The following ADPGK variants were observed in gnomAD, a reference collection of about 807,000 sequenced individuals.
ADPGK encodes ADP-dependent glucokinase.
ADPGK carries 26 observed loss-of-function variants against 42.4 expected under a neutral mutation model. The ratio of observed to expected loss-of-function variants is 0.61; its 90% CI spans 0.45 to 0.85. The LOEUF (loss-of-function observed/expected upper bound fraction) is 0.85, where lower values mean the gene tolerates loss of function less well. ADPGK is among the 40% of genes least tolerant of loss of function. ADPGK has a pLI of 0.00. For missense variants in ADPGK, 571 were observed against 627.0 expected (o/e 0.91, Z 0.95); for synonymous variants, 267 against 252.6 (o/e 1.06, Z -0.54).
Position 72,752,694 on chromosome 15 carries a change from A to AATGG in ADPGK, c.1137_1140dup (p.Phe381ProfsTer92). The AATGG allele has an allele frequency of 1.2e-6, 2 of 1,614,194 alleles. No homozygotes were observed. The highest frequency in any genetic ancestry group is 1.7e-6 in the Non-Finnish European group (2 of 1,180,040). ...AGGATGTGGTAGACCAGCGTGTGGA[A>AATGG]ATGGATCCTGGTGAGATCCGAGGCT... On this transcript the variant is annotated frameshift_variant, in exon 7 of 7. Transcript: ENST00000456471. LOFTEE classifies it high-confidence loss of function.
At chr15:72,765,997 T>A (rs2066253546) in intron 3 of ADPGK, among the ~76,000 whole-genome samples, 1 of 152,182 alleles carries the variant, frequency 6.6e-6, no homozygotes, top group Non-Finnish European at 1.5e-5. Flanking sequence ...ATTTTTCATT[T>A]TTAGAGATAG....
chr15:72,783,381 C>T (rs984415294), intron 1 of ADPGK, 78 bp downstream of exon 1: 2 of 1,311,830 alleles, frequency 1.5e-6, no homozygotes, highest in Admixed American at 4.2e-5. Flanking sequence ...CTCTGAGAAG[C>T]CCTGTTTCTG....
chr15:72,760,316 C>T, intron 4 of ADPGK, 91 bp downstream of exon 4: 1 of 1,409,660 alleles, frequency 7.1e-7, no homozygotes, highest in Non-Finnish European at 9.4e-7. Flanking sequence ...TGCTAATTTA[C>T]AAAGATAAAT....
intron 3 of ADPGK, among the ~76,000 whole-genome samples, chr15:72,771,531 G>A (rs2066328724): frequency 6.6e-6 from 1 of 152,216 alleles, no homozygotes; most frequent in South Asian, 2.1e-4. Context: ...GTACCGACTA[G>A]CCTTACAGGG....
At position 72,783,475 on chromosome 15, in the gene ADPGK, G is replaced by A. The variant is rs1341472286; in HGVS notation, c.217C>T (p.Arg73Cys). 7.2e-7 allele frequency: 1 copy of A among 1,392,208 alleles called. No individual in the cohort carries two copies. The highest frequency in any genetic ancestry group is 1.6e-5 in the South Asian group (1 of 63,036). 86.2% of individuals were successfully genotyped at this position (1,392,208 alleles called of 1,614,324 possible). ...ALIVRPVRRW[R>C]RVAVGVNACV... ...GGCACTCACCCCACTGCCACGCGGC[G>A]CCAGCGCCGGACTGGCCGCACGATA... Residue 73 changes from arginine (R) to cysteine (C), a missense_variant, in exon 1 of 7, where the codon CGC becomes TGC. Transcript: ENST00000456471.
At chr15:72,767,731 T>A (rs968044454) in intron 3 of ADPGK, among the ~76,000 whole-genome samples, 1 of 152,158 alleles carries the variant, frequency 6.6e-6, no homozygotes, top group African/African-American at 2.4e-5. Flanking sequence ...CACATCTCAA[T>A]AAATCAAAGG....
At position 72,752,778 on chromosome 15, in the gene ADPGK, C is replaced by T; in HGVS notation, c.1057G>A (p.Gly353Ser). 1 of 1,614,188 alleles carries T rather than the reference C, an allele frequency of 6.2e-7. No homozygotes were observed. The highest frequency in any genetic ancestry group is 8.5e-7 in the Non-Finnish European group (1 of 1,180,044). Residue 353 changes from glycine (G) to serine (S), a missense_variant, in exon 7 of 7, where the codon GGC becomes AGC. By Grantham distance (56) the Gly-to-Ser change is moderately conservative (BLOSUM62 0). This residue lies in a region of ADPGK where 434 missense variants were observed against 522.7 expected (regional missense o/e 0.83). Transcript: ENST00000456471. ...LSSWNGVPDV[G>S]MVSDILFWIL... ...CAGAAGAGGATGTCACTGACCATGC[C>T]CACATCAGGAACACCGTTCCAGGAA...
chr15:72,756,158 G>T, intron 5 of ADPGK, 93 bp downstream of exon 5: 1 of 1,508,722 alleles, frequency 6.6e-7, no homozygotes. Context: ...TGGGAGGCCA[G>T]GACCTAAGAC....
At chr15:72,756,595 G>A in intron 4 of ADPGK, 148 bp from the exon 5 acceptor site, 1 of 789,638 alleles carries the variant, frequency 1.3e-6, no homozygotes, top group Non-Finnish European at 2.0e-6. Context: ...ATGGCCTAAG[G>A]TCAGCATGGC....
At position 72,783,671 on chromosome 15, in the gene ADPGK, G is replaced by C; in HGVS notation, c.21C>G (p.Ser7=). Residue 7 remains serine, a synonymous_variant, in exon 1 of 7, where the codon TCC becomes TCG. Coordinates refer to ENST00000456471, the MANE Select transcript of ADPGK (RefSeq NM_001365225.1). ...CCAGCGCCAGGAAGCCCGCGTACGCGGAGCCGCGCCACAGCGCCATGGGGA... is the reference window on the plus strand; with the variant it reads ...CCAGCGCCAGGAAGCCCGCGTACGCCGAGCCGCGCCACAGCGCCATGGGGA... MALWRG[S]AYAGFLALAV... 6.7e-7 allele frequency: 1 copy of C among 1,503,118 alleles called. No individual in the cohort carries two copies. Among genetic ancestry groups the C allele is most frequent in the South Asian group, 1.2e-5 (1 of 80,362 alleles). The allele number at this position is 1,503,118 out of a possible 1,614,324, so 93.1% of individuals were successfully genotyped here.
intron 1 of ADPGK, among the ~76,000 whole-genome samples, chr15:72,778,515 A>AT (rs2066417338): frequency 6.6e-6 from 1 of 152,124 alleles, no homozygotes; most frequent in Admixed American, 6.5e-5. Context: ...TAAAAAATGT[A>AT]TATTAGATGA....
rs2066177606 is a variant in ADPGK at position 72,760,449 on chromosome 15, G to T, written c.601C>A (p.Gln201Lys). 2.7e-5 allele frequency: 44 copies of T among 1,609,222 alleles called. No homozygotes were observed. Among genetic ancestry groups the T allele is most frequent in the Non-Finnish European group, 3.7e-5 (43 of 1,176,726 alleles). Residue 201 changes from glutamine to lysine, a missense_variant, in exon 4 of 7, where the codon CAG becomes AAG. Transcript: ENST00000456471. The stretch of plus-strand genomic sequence containing the variant: ...ATGAGGTGGAACTCATCCACTTCCT[G>T]CAATGACTCTGGTGGAACAAAGACA... ...DNVFVPPESL[Q>K]EVDEFHLILE...
chr15:72,779,167 T>C (rs576441492), intron 1 of ADPGK, among the ~76,000 whole-genome samples: 1 of 150,602 alleles, frequency 6.6e-6, no homozygotes, highest in South Asian at 2.1e-4. Context: ...GGAGAATTCA[T>C]ACAGGGGAGA....
chr15:72,765,353 T>C (rs1052897513), intron 3 of ADPGK, among the ~76,000 whole-genome samples: 3 of 152,166 alleles, frequency 2.0e-5, no homozygotes, highest in African/African-American at 7.2e-5. Context: ...TTTAACCACA[T>C]TGGCCAGACT....
intron 1 of ADPGK, among the ~76,000 whole-genome samples, chr15:72,777,908 C>T (rs1055083524): frequency 1.3e-5 from 2 of 152,002 alleles, no homozygotes; most frequent in Admixed American, 6.6e-5. Flanking sequence ...GGGAAAATAA[C>T]CAGTTTTTCA....
chr15:72,765,289 C>T (rs1338262276), intron 3 of ADPGK, among the ~76,000 whole-genome samples: 1 of 152,090 alleles, frequency 6.6e-6, no homozygotes, highest in Non-Finnish European at 1.5e-5. Context: ...GCTGGGATTA[C>T]AGGTGTGCAC....
chr15:72,760,409 G>A lies in ADPGK; in HGVS notation c.641C>T (p.Ala214Val), dbSNP rs138949417. 2.5e-6 allele frequency: 4 copies of A among 1,598,578 alleles called. No individual in the cohort carries two copies. The highest frequency in any genetic ancestry group is 1.7e-5 in the Admixed American group (1 of 59,600). ...DEFHLILEYQ[A>V]GEEWGQLKAP... The stretch of plus-strand genomic sequence containing the variant: ...CCATTACTTACTCATTTCCTTACCT[G>A]CTTGATACTCTAAAATGAGGTGGAA... The change falls in exon 4 of 7, where the codon GCA becomes GTA. Residue 214 changes from alanine to valine, a missense_variant and splice_region_variant. Transcript: ENST00000456471.
At chr15:72,759,346 G>A (rs2066161552) in intron 4 of ADPGK, among the ~76,000 whole-genome samples, 1 of 152,116 alleles carries the variant, frequency 6.6e-6, no homozygotes, top group African/African-American at 2.4e-5. Flanking sequence ...TTCCCATTTG[G>A]GAAAACTAAA....
At chr15:72,774,521 T>C (rs2066366220) in intron 2 of ADPGK, among the ~76,000 whole-genome samples, 1 of 152,154 alleles carries the variant, frequency 6.6e-6, no homozygotes, top group African/African-American at 2.4e-5. Context: ...AGGTTCTAAC[T>C]TCGACAGGTT....
Sources: allele counts gnomAD v4.1 joint callset (sites outside exome capture counted in the v4.1 genomes callset), GRCh38; gene constraint gnomAD v4.1.1; regional missense constraint gnomAD v4.1.1; transcripts MANE v1.5; gene names NCBI Gene and HGNC (gene_info 2026-07-23, HGNC 2026-07-21).